The following ACKR3 variants were observed in gnomAD, a reference collection of about 807,000 sequenced individuals.
The protein encoded by ACKR3 is C-X-C chemokine receptor type 7.
Under a neutral mutation model 22.4 loss-of-function variants are expected in ACKR3, and 6 were observed. That is an observed-to-expected ratio of 0.27 (90% confidence interval 0.15 to 0.53). ACKR3 has a LOEUF of 0.53. ACKR3 is among the 20% of genes least tolerant of loss of function. The pLI, the probability that ACKR3 is intolerant of heterozygous loss-of-function variation, is 0.96. For missense variants in ACKR3, 396 were observed against 475.2 expected (o/e 0.83, Z 1.55); for synonymous variants, 209 against 205.2 (o/e 1.02, Z -0.16).
chr2:236,555,657 C>G, the ACKR3 span, among the ~76,000 whole-genome samples: 1 of 152,130 alleles, frequency 6.6e-6, no homozygotes, highest in East Asian at 1.9e-4. Context: ...GTCATGACAG[C>G]CCCTGGTTCC....
the ACKR3 span, among the ~76,000 whole-genome samples, chr2:236,562,405 T>C: frequency 6.6e-6 from 1 of 152,204 alleles, no homozygotes; most frequent in Admixed American, 6.5e-5. Flanking sequence ...TCTATAATGT[T>C]TTCTAGTAAT....
the ACKR3 span, among the ~76,000 whole-genome samples, chr2:236,545,713 T>C: frequency 6.6e-6 from 1 of 152,388 alleles, no homozygotes; most frequent in East Asian, 1.9e-4. This position sits in a 1 kb window ranked among gnomAD's most constrained non-coding sequence, Gnocchi z 5.3. Context: ...GAATCTCTTC[T>C]ATCTGGGGAT....
chr2:236,556,073 G>A, the ACKR3 span, among the ~76,000 whole-genome samples: 1 of 152,246 alleles, frequency 6.6e-6, no homozygotes, highest in East Asian at 1.9e-4. Context: ...TGAGGAGGGT[G>A]TCCAGGGTGG....
chr2:236,577,164 C>T lies in ACKR3; in HGVS notation c.-26-3276C>T, dbSNP rs943812603. Reference sequence around the variant, plus strand: ...GTGATCGGTGAGTGATGATAGGTGGCCGGTGATCGGTGGGGCAGTGAGGAG... The same window carrying T: ...GTGATCGGTGAGTGATGATAGGTGGTCGGTGATCGGTGGGGCAGTGAGGAG... On this transcript the variant is annotated intron_variant, in intron 1 of 1. Transcript: ENST00000272928. The surrounding 1 kb of genome is among the most constrained non-coding windows in gnomAD (Gnocchi z 5.6). Among the ~76,000 whole-genome samples the T allele has an allele frequency of 6.6e-6, 1 of 152,050 alleles. No homozygotes were observed. The highest frequency in any genetic ancestry group is 2.4e-5 in the African/African-American group (1 of 41,384).
rs1265516888 is a variant in ACKR3, at chr2:236,580,961, A to G, written c.496A>G (p.Ile166Val). The G allele has an allele frequency of 3.1e-6, 5 of 1,614,134 alleles. No individual in the cohort carries two copies. In the East Asian group the frequency reaches 6.7e-5, roughly 22 times the overall value. Residue 166 changes from isoleucine (I) to valine (V), a missense_variant, in exon 2 of 2, where the codon ATC becomes GTC. Physicochemically the swap from Ile to Val is conservative, Grantham distance 29. Transcript: ENST00000272928. ...GAAGATGGTACGCCGTGTCGTCTGCATCCTGGTGTGGCTGCTGGCCTTCTG... is the reference window on the plus strand; with the variant it reads ...GAAGATGGTACGCCGTGTCGTCTGCGTCCTGGTGTGGCTGCTGGCCTTCTG... ...RKKMVRRVVC[I>V]LVWLLAFCVS...
the ACKR3 span, among the ~76,000 whole-genome samples, chr2:236,557,634 A>G: frequency 3.9e-4 from 59 of 152,378 alleles, no homozygotes; most frequent in African/African-American, 1.3e-3. Context: ...GTTCATACAG[A>G]TGGAAATAAA....
At chr2:236,563,743 G>A (rs561083044), upstream of ACKR3, among the ~76,000 whole-genome samples, 2 of 152,284 alleles carry the variant, frequency 1.3e-5, no homozygotes, top group Middle Eastern at 3.4e-3. Context: ...ACCCCCTTAG[G>A]TTCTGATGTG....
upstream of ACKR3, among the ~76,000 whole-genome samples, chr2:236,564,102 C>G (rs1468410132): frequency 6.6e-6 from 1 of 152,196 alleles, no homozygotes; most frequent in Non-Finnish European, 1.5e-5. Flanking sequence ...AGAGGCCCCT[C>G]CCTCTGCAAA....
the ACKR3 span, among the ~76,000 whole-genome samples, chr2:236,552,563 TA>T: frequency 6.6e-6 from 1 of 152,182 alleles, no homozygotes; most frequent in Non-Finnish European, 1.5e-5. Context: ...GGGAGAGAGA[TA>T]ATTTTATTTG....
At chr2:236,573,802 G>A (rs1429248844) in intron 1 of ACKR3, among the ~76,000 whole-genome samples, 1 of 152,186 alleles carries the variant, frequency 6.6e-6, no homozygotes. Flanking sequence ...CAAAGCCATG[G>A]CCTTGCTCTA....
chr2:236,538,158 A>G, the ACKR3 span, among the ~76,000 whole-genome samples: 3 of 152,104 alleles, frequency 2.0e-5, no homozygotes, highest in Non-Finnish European at 4.4e-5. Flanking sequence ...GGTTAATACT[A>G]GCACACATCA....
At chr2:236,576,101 G>A (rs1691407616) in intron 1 of ACKR3, among the ~76,000 whole-genome samples, 2 of 152,176 alleles carry the variant, frequency 1.3e-5, no homozygotes, top group Admixed American at 6.5e-5. Context: ...TAGAGACGCA[G>A]GCAGTGGGCA....
At chr2:236,550,802 C>G in the ACKR3 span, among the ~76,000 whole-genome samples, 2 of 152,202 alleles carry the variant, frequency 1.3e-5, no homozygotes. The surrounding 1 kb of genome is among the most constrained non-coding windows in gnomAD (Gnocchi z 4.6). Context: ...AGCGGCTACT[C>G]AATACATATT....
Position 236,580,766 on chromosome 2 carries a change from G to A in ACKR3, c.301G>A (p.Val101Met), listed in dbSNP as rs1182793545. ...GGTTGTCCTCACCATCCCAGTCTGG[G>A]TGGTCAGTCTCGTGCAGCACAACCA... ...LWVVLTIPVW[V>M]VSLVQHNQWP... Residue 101 changes from valine (V) to methionine (M), a missense_variant, in exon 2 of 2, where the codon GTG becomes ATG. Val to Met is a conservative substitution (Grantham distance 21). Coordinates refer to ENST00000272928, the MANE Select transcript of ACKR3 (RefSeq NM_020311.3). 1.2e-6 allele frequency: 2 copies of A among 1,614,092 alleles called. No individual in the cohort carries two copies. Among genetic ancestry groups the A allele is most frequent in the Non-Finnish European group, 8.5e-7 (1 of 1,180,048 alleles).
the ACKR3 span, among the ~76,000 whole-genome samples, chr2:236,551,998 C>T: frequency 9.2e-5 from 14 of 152,134 alleles, no homozygotes; most frequent in Non-Finnish European, 2.1e-4. Context: ...CCTGTGCACT[C>T]GGGCCTGGCT....
At position 236,577,480 on chromosome 2, in the gene ACKR3, C is replaced by T. The variant is rs954497612; in HGVS notation, c.-26-2960C>T. On this transcript the variant is annotated intron_variant, in intron 1 of 1. Transcript: ENST00000272928. This position sits in a 1 kb window ranked among gnomAD's most constrained non-coding sequence, Gnocchi z 5.6. ...TGGGCTCTGAGAATACTGAAGGCTG[C>T]TGGTAGCTCAAAGCGGGTGAGTGTC... Among the ~76,000 whole-genome samples the T allele has an allele frequency of 6.6e-6, 1 of 152,144 alleles. No individual in the cohort carries two copies. Among genetic ancestry groups the T allele is most frequent in the African/African-American group, 2.4e-5 (1 of 41,442 alleles).
chr2:236,556,831 G>T, the ACKR3 span, among the ~76,000 whole-genome samples: 6 of 152,204 alleles, frequency 3.9e-5, no homozygotes, highest in Non-Finnish European at 8.8e-5. Flanking sequence ...TGAGATCACA[G>T]TGCCCACCAC....
the ACKR3 span, among the ~76,000 whole-genome samples, chr2:236,551,258 C>A: frequency 3.3e-5 from 5 of 152,326 alleles, no homozygotes; most frequent in South Asian, 1.0e-3. Context: ...AGTTCTCAGG[C>A]TTCATGCCCC....
At chr2:236,576,170 G>T (rs1173461390) in intron 1 of ACKR3, among the ~76,000 whole-genome samples, 1 of 152,204 alleles carries the variant, frequency 6.6e-6, no homozygotes, top group Non-Finnish European at 1.5e-5. Flanking sequence ...GAATGGAATT[G>T]CTGGTTGATT....
Sources: gnomAD v4.1 joint callset for allele counts (sites outside exome capture counted in the v4.1 genomes callset) on GRCh38, gnomAD v4.1.1 for gene constraint, Gnocchi (gnomAD v3.1) non-coding constraint, MANE v1.5 for transcripts, NCBI Gene and HGNC (gene_info 2026-07-23, HGNC 2026-07-21) for gene names.